The following VSTM2L variants were observed in gnomAD, a reference collection of about 807,000 sequenced individuals.
The protein encoded by VSTM2L is V-set and transmembrane domain-containing protein 2-like protein.
In VSTM2L, 9 loss-of-function variants were observed where a neutral mutation model predicts 19.9. The ratio of observed to expected loss-of-function variants is 0.45; its 90% CI spans 0.27 to 0.79. VSTM2L has a LOEUF of 0.79. VSTM2L is among the 30% of genes least tolerant of loss of function. The pLI is 0.15. For synonymous variants in VSTM2L, 127 were observed against 133.8 expected (o/e 0.95, Z 0.35); for missense variants, 286 against 295.5 (o/e 0.97, Z 0.24).
intron 2 of VSTM2L, 68 bp from the exon 3 acceptor site, chr20:37,933,471 G>T: frequency 8.0e-7 from 1 of 1,255,732 alleles, no homozygotes; most frequent in Non-Finnish European, 1.1e-6. Context: ...TCCCCACACT[G>T]CCACCCCACC....
intron 1 of VSTM2L, among the ~76,000 whole-genome samples, chr20:37,914,257 CTGTG>C (rs1189595832): frequency 6.8e-6 from 1 of 146,246 alleles, no homozygotes; most frequent in Admixed American, 6.8e-5. Context: ...GTGTGTATAT[CTGTG>C]TATGTGTGGT....
intron 1 of VSTM2L, among the ~76,000 whole-genome samples, chr20:37,915,510 C>T (rs1242284965): frequency 6.6e-6 from 1 of 152,042 alleles, no homozygotes; most frequent in Non-Finnish European, 1.5e-5. Flanking sequence ...AGGAGAGCAG[C>T]CTGATCCTGT....
intron 1 of VSTM2L, among the ~76,000 whole-genome samples, chr20:37,910,260 A>G (rs2074853301): frequency 6.6e-6 from 1 of 152,252 alleles, no homozygotes; most frequent in Non-Finnish European, 1.5e-5. Context: ...ATGGTGGGTT[A>G]GTTTATAGAA....
At position 37,912,415 on chromosome 20, in the gene VSTM2L, C is replaced by A. The variant is rs77059272; in HGVS notation, c.121+8944C>A. On this transcript the variant is annotated intron_variant, in intron 1 of 3. Coordinates refer to ENST00000373461, the MANE Select transcript of VSTM2L (RefSeq NM_080607.3). ...TGGGTCCAGCACTGTTAGTGGGAAG[C>A]AGTGGGGCTCTGGGGGCATGTGTGA... Among the ~76,000 whole-genome samples, 89 of 152,336 alleles carry A rather than the reference C, an allele frequency of 5.8e-4. 1 individual carries two copies. The East Asian group carries it at 0.016, about 27-fold the overall frequency.
chr20:37,923,304 A>T (rs577609509), intron 1 of VSTM2L, among the ~76,000 whole-genome samples: 38 of 152,280 alleles, frequency 2.5e-4, no homozygotes, highest in African/African-American at 8.7e-4. Flanking sequence ...CCTCCAGGTC[A>T]TCTCCTGCCT....
At chr20:37,942,310 C>T (rs1180704279) in intron 3 of VSTM2L, among the ~76,000 whole-genome samples, 1 of 152,132 alleles carries the variant, frequency 6.6e-6, no homozygotes, top group Non-Finnish European at 1.5e-5. Flanking sequence ...GGTGAAACCC[C>T]ATTTCAACTA....
chr20:37,933,631 G>T lies in VSTM2L; in HGVS notation c.342+42G>T, dbSNP rs763386778. On this transcript the variant is annotated intron_variant, in intron 3 of 3. Coordinates refer to ENST00000373461, the MANE Select transcript of VSTM2L (RefSeq NM_080607.3). ...ACTTCTCGAAAGGGCTCTAATGGAGGGCACAGCTGTGACTTAAAAAAAAAT... is the reference window on the plus strand; with the variant it reads ...ACTTCTCGAAAGGGCTCTAATGGAGTGCACAGCTGTGACTTAAAAAAAAAT... 3 of 1,608,376 alleles carry T rather than the reference G, an allele frequency of 1.9e-6. No homozygotes were observed. In the South Asian group the frequency reaches 3.3e-5, roughly 18 times the overall value.
At chr20:37,937,055 T>C (rs2072944972) in intron 3 of VSTM2L, among the ~76,000 whole-genome samples, 1 of 152,100 alleles carries the variant, frequency 6.6e-6, no homozygotes, top group Non-Finnish European at 1.5e-5. Context: ...ACCCCGTCTC[T>C]ACTAAAAATA....
chr20:37,903,490 C>T lies in VSTM2L; in HGVS notation c.121+19C>T. On this transcript the variant is annotated intron_variant, in intron 1 of 3. Coordinates refer to ENST00000373461, the MANE Select transcript of VSTM2L (RefSeq NM_080607.3). ...GGCCACGGTGAGTTCGGTCGCCGCC[C>T]CCGCGGACTTCCCCACCAAACCCCA... 1.4e-6 allele frequency: 2 copies of T among 1,464,716 alleles called. No homozygotes were observed. Among genetic ancestry groups the T allele is most frequent in the South Asian group, 2.6e-5 (2 of 77,056 alleles). The allele number at this position is 1,464,716 out of a possible 1,614,324, so 90.7% of individuals were successfully genotyped here. A position where few individuals can be genotyped will look rare whatever the true frequency, so the allele number is the denominator to read the frequency against.
At chr20:37,939,825 G>A (rs4811360) in intron 3 of VSTM2L, among the ~76,000 whole-genome samples, 20,367 of 152,234 alleles carry the variant, frequency 0.13, 1,488 homozygotes, top group African/African-American at 0.18. Context: ...AGGCCAGAGT[G>A]CTGGTGACTT....
intron 1 of VSTM2L, among the ~76,000 whole-genome samples, chr20:37,925,146 T>C (rs1056869423): frequency 1.3e-5 from 2 of 152,208 alleles, no homozygotes; most frequent in Admixed American, 1.3e-4. Flanking sequence ...GAAGCTTTCT[T>C]TCCTGCCTCC....
chr20:37,926,190 T>C (rs1433081740), intron 1 of VSTM2L, among the ~76,000 whole-genome samples: 2 of 152,196 alleles, frequency 1.3e-5, no homozygotes, highest in Admixed American at 6.5e-5. Flanking sequence ...GCCTAACAAG[T>C]AGCTGAGATT....
At chr20:37,939,838 C>A (rs897094277) in intron 3 of VSTM2L, among the ~76,000 whole-genome samples, 4 of 152,216 alleles carry the variant, frequency 2.6e-5, no homozygotes, top group Non-Finnish European at 5.9e-5. Context: ...GGTGACTTGT[C>A]ACGGTCAGCG....
At chr20:37,921,702 G>A (rs1463955245) in intron 1 of VSTM2L, among the ~76,000 whole-genome samples, 1 of 152,050 alleles carries the variant, frequency 6.6e-6, no homozygotes, top group African/African-American at 2.4e-5. Context: ...GAGAGAGGGT[G>A]GGGGAGAAGG....
At chr20:37,919,779 A>C (rs1403621266) in intron 1 of VSTM2L, among the ~76,000 whole-genome samples, 1 of 152,214 alleles carries the variant, frequency 6.6e-6, no homozygotes, top group African/African-American at 2.4e-5. Flanking sequence ...TTTAGGCTTC[A>C]GTGGGGGAAA....
Position 37,931,757 on chromosome 20 carries a change from C to T in VSTM2L, c.244C>T (p.Arg82Trp), listed in dbSNP as rs199564199. The change falls in exon 2 of 4, where the codon CGG becomes TGG. Residue 82 changes from arginine to tryptophan, a missense_variant. Transcript: ENST00000373461. ...GCTGGAGATCCAGTGGTGGTATGTA[C>T]GGAGCCACCGGGACTGGACCGACAA... ...YSLEIQWWYV[R>W]SHRDWTDKQA... 7.3e-5 allele frequency: 118 copies of T among 1,613,908 alleles called. No individual in the cohort carries two copies. The highest frequency in any genetic ancestry group is 8.3e-5 in the Non-Finnish European group (98 of 1,180,018).
intron 3 of VSTM2L, among the ~76,000 whole-genome samples, chr20:37,941,693 C>T (rs1192803237): frequency 6.6e-6 from 1 of 152,118 alleles, no homozygotes; most frequent in Non-Finnish European, 1.5e-5. Context: ...CAGTAGTCCA[C>T]AGGTCTGAGG....
intron 1 of VSTM2L, among the ~76,000 whole-genome samples, chr20:37,912,381 C>T (rs1044926652): frequency 2.0e-5 from 3 of 152,254 alleles, no homozygotes; most frequent in African/African-American, 7.2e-5. Flanking sequence ...AAAGTCTAGG[C>T]TCTGCGTCTG....
At chr20:37,939,343 A>G (rs530625111) in intron 3 of VSTM2L, among the ~76,000 whole-genome samples, 2 of 152,238 alleles carry the variant, frequency 1.3e-5, no homozygotes, top group East Asian at 3.9e-4. Context: ...GCTTGAGCCC[A>G]GGAGGCTGAG....
Sources: gnomAD v4.1 joint callset for allele counts (sites outside exome capture counted in the v4.1 genomes callset) on GRCh38, gnomAD v4.1.1 for gene constraint, MANE v1.5 for transcripts, NCBI Gene and HGNC (gene_info 2026-07-23, HGNC 2026-07-21) for gene names.